Variants in ESRRB observed in about 807,000 individuals in gnomAD.
ESRRB encodes the protein steroid hormone receptor ERR2.
ESRRB carries 16 observed loss-of-function variants against 46.0 expected under a neutral mutation model. That is an observed-to-expected ratio of 0.35 (90% confidence interval 0.24 to 0.53). The LOEUF (loss-of-function observed/expected upper bound fraction) is 0.53, where lower values mean the gene tolerates loss of function less well. Among genes scored for constraint, ESRRB ranks in the 20% least tolerant of loss-of-function variants. The probability of loss-of-function intolerance (pLI) is 0.93; values close to 1 mark genes in which losing one functional copy is unlikely to be tolerated. For synonymous variants in ESRRB, 246 were observed against 259.6 expected (o/e 0.95, Z 0.50); for missense variants, 488 against 607.4 (o/e 0.80, Z 2.07).
At chr14:76,486,803 G>A (rs1256442810) in intron 5 of ESRRB, among the ~76,000 whole-genome samples, 4 of 152,150 alleles carry the variant, frequency 2.6e-5, no homozygotes, top group African/African-American at 9.7e-5. Context: ...ACTCCCAGGG[G>A]CACGGGGCAC....
At position 76,345,823 on chromosome 14, in the gene ESRRB, C is replaced by A. The variant is rs562201683; in HGVS notation, c.2+34907C>A. Among the ~76,000 whole-genome samples, 6 of 152,208 alleles carry A rather than the reference C, an allele frequency of 3.9e-5. No homozygotes were observed. The East Asian group carries it at 1.2e-3, about 29-fold the overall frequency. On this transcript the variant is annotated intron_variant, in intron 1 of 6. Coordinates refer to the ESRRB transcript ENST00000512784. ...ATAAAGCCAAGACTTGAATTCAGAC[C>A]TTCCGGGCTCTGTCTCACGTTTGTT...
In ESRRB at chr14:76,501,149, T is replaced by C. The variant is rs1890644604; in HGVS notation, c.*2691T>C. The C allele has an allele frequency of 4.8e-6, 1 of 208,934 alleles. No homozygotes were observed. The highest frequency in any genetic ancestry group is 9.7e-6 in the Non-Finnish European group (1 of 103,162). 12.9% of individuals were successfully genotyped at this position (208,934 alleles called of 1,614,324 possible). On this transcript the variant is annotated 3_prime_UTR_variant, in exon 7 of 7. Coordinates refer to ENST00000644823, the MANE Select transcript of ESRRB (RefSeq NM_001379180.1). Reference sequence around the variant, plus strand: ...CTAAACCTGCCATTTCTGGAAAATCTGTAAAGAGGAAACAGCCTGTCTCAG... The same window carrying C: ...CTAAACCTGCCATTTCTGGAAAATCCGTAAAGAGGAAACAGCCTGTCTCAG...
rs141316048 is a variant in ESRRB at position 76,330,081 on chromosome 14, C to T, written c.2+19165C>T. Reference sequence around the variant, plus strand: ...AGCGAATGACGGACACACCTGTTCGCGGCCCTCCTTGCCGGCCAGCAGGGA... The same window carrying T: ...AGCGAATGACGGACACACCTGTTCGTGGCCCTCCTTGCCGGCCAGCAGGGA... On this transcript the variant is annotated intron_variant, in intron 1 of 6. Transcript: ENST00000512784. Among the ~76,000 whole-genome samples the T allele has an allele frequency of 7.5e-3, 1,134 of 152,106 alleles. 11 individuals are homozygous for T. Among genetic ancestry groups the T allele is most frequent in the Non-Finnish European group, 9.6e-3 (650 of 67,978 alleles).
At chr14:76,453,571 G>A (rs1437574994) in intron 2 of ESRRB, among the ~76,000 whole-genome samples, 1 of 151,032 alleles carries the variant, frequency 6.6e-6, no homozygotes, top group Admixed American at 6.6e-5. Flanking sequence ...AAGGCTACGG[G>A]ATCAAATCAA....
At chr14:76,378,702 G>A (rs118039799) in intron 1 of ESRRB, among the ~76,000 whole-genome samples, 3 of 152,274 alleles carry the variant, frequency 2.0e-5, no homozygotes, top group Non-Finnish European at 4.4e-5. Context: ...GTGCTGTGGC[G>A]CAGAGGGGCA....
chr14:76,484,054 C>T (rs1889910932), intron 5 of ESRRB, among the ~76,000 whole-genome samples: 1 of 152,166 alleles, frequency 6.6e-6, no homozygotes. Context: ...CGGGGTTTTG[C>T]CATGTTGGCC....
chr14:76,435,192 A>G (rs1887622891), intron 1 of ESRRB, among the ~76,000 whole-genome samples: 1 of 152,240 alleles, frequency 6.6e-6, no homozygotes, highest in African/African-American at 2.4e-5. Flanking sequence ...TGAGGAAAAC[A>G]TGCAGAAGAG....
chr14:76,324,193 A>G (rs1030565422), intron 1 of ESRRB, among the ~76,000 whole-genome samples: 1 of 152,234 alleles, frequency 6.6e-6, no homozygotes, highest in African/African-American at 2.4e-5. Context: ...GCCAAGGTCT[A>G]GCCTCAGCCT....
chr14:76,332,778 TA>T (rs1884045394), intron 1 of ESRRB, among the ~76,000 whole-genome samples: 1 of 17,560 alleles, frequency 5.7e-5, no homozygotes, highest in Non-Finnish European at 9.2e-5. Flanking sequence ...ATATATATTA[TA>T]TATTATATAT....
rs141297875 is a variant in ESRRB at position 76,464,417 on chromosome 14, C to T, written c.577+1756C>T. ...CTATAGAAATTGGACCTTCCACTTC[C>T]GTTTACCATTTCCAGGTCCCCCACT... is the stretch of plus-strand genomic sequence containing the variant. On this transcript the variant is annotated intron_variant, in intron 3 of 6. Transcript: ENST00000644823. Among the ~76,000 whole-genome samples, 4 of 152,328 alleles carry T rather than the reference C, an allele frequency of 2.6e-5. No homozygotes were observed. The East Asian group carries it at 5.8e-4, about 22-fold the overall frequency.
intron 6 of ESRRB, among the ~76,000 whole-genome samples, chr14:76,492,061 G>A (rs1890253290): frequency 6.6e-6 from 1 of 152,208 alleles, no homozygotes. Flanking sequence ...AGTAAAAGGA[G>A]GGCAGCCAAA....
intron 1 of ESRRB, among the ~76,000 whole-genome samples, chr14:76,329,319 G>A (rs1883974578): frequency 6.6e-6 from 1 of 152,040 alleles, no homozygotes; most frequent in African/African-American, 2.4e-5. Flanking sequence ...ACTGCTACCA[G>A]GCAGTCCCAG....
At chr14:76,396,684 C>G (rs1184039220) in intron 1 of ESRRB, among the ~76,000 whole-genome samples, 1 of 152,364 alleles carries the variant, frequency 6.6e-6, no homozygotes, top group East Asian at 1.9e-4. Flanking sequence ...CACCTGCTCC[C>G]CTGGTCCCCT....
In ESRRB at chr14:76,462,606, G is replaced by A; in HGVS notation, c.522G>A (p.Lys174=). 1 of 1,614,166 alleles carries A rather than the reference G, an allele frequency of 6.2e-7. No individual in the cohort carries two copies. Among genetic ancestry groups the A allele is most frequent in the Non-Finnish European group, 8.5e-7 (1 of 1,180,020 alleles). Residue 174 remains lysine (K), a synonymous_variant, in exon 3 of 7, where the codon AAG becomes AAA. Transcript: ENST00000644823. The stretch of plus-strand genomic sequence containing the variant: ...GCGAGATCACCAAACGGAGGCGCAA[G>A]TCCTGCCAGGCCTGCCGCTTCATGA... ...NECEITKRRR[K]SCQACRFMKC...
intron 2 of ESRRB, among the ~76,000 whole-genome samples, chr14:76,455,262 T>C (rs77679301): frequency 0.015 from 2,240 of 152,264 alleles, 51 homozygotes; most frequent in African/African-American, 0.052. Context: ...TCACAGTCAC[T>C]GGCCCTACCC....
chr14:76,368,088 G>A (rs2139777897), upstream of ESRRB, among the ~76,000 whole-genome samples: 1 of 150,942 alleles, frequency 6.6e-6, no homozygotes, highest in East Asian at 1.9e-4. Context: ...CAGTAGCTGG[G>A]ACTGCAGGTG....
intron 1 of ESRRB, among the ~76,000 whole-genome samples, chr14:76,428,229 C>T (rs1356857550): frequency 2.0e-5 from 3 of 152,130 alleles, no homozygotes; most frequent in Admixed American, 6.6e-5. Context: ...AACTCCCGAC[C>T]TCAGGTGATC....
upstream of ESRRB, among the ~76,000 whole-genome samples, chr14:76,368,979 C>G (rs571126972): frequency 9.4e-4 from 143 of 152,036 alleles, no homozygotes; most frequent in African/African-American, 3.2e-3. Context: ...GGTGGATCAC[C>G]TGAGGTAAGG....
chr14:76,445,681 A>G lies in ESRRB; in HGVS notation c.460+5931A>G, dbSNP rs867878778. Among the ~76,000 whole-genome samples the G allele has an allele frequency of 5.4e-5, 8 of 148,158 alleles. No homozygotes were observed. In the South Asian group the frequency reaches 1.7e-3, roughly 32 times the overall value. On this transcript the variant is annotated intron_variant, in intron 2 of 6. Coordinates refer to ENST00000644823, the MANE Select transcript of ESRRB (RefSeq NM_001379180.1). ...AAGACCGAGTCATTCCTTCTCCACC[A>G]ATCTTTTTTTTTTTTTTTTTTGAGA...
Sources: allele counts gnomAD v4.1 joint callset (sites outside exome capture counted in the v4.1 genomes callset), GRCh38; gene constraint gnomAD v4.1.1; transcripts MANE v1.5; gene names NCBI Gene and HGNC (gene_info 2026-07-23, HGNC 2026-07-21).